Variants in SLC22A11 observed in about 807,000 individuals in gnomAD.
SLC22A11 encodes the protein organic anion transporter 4.
In SLC22A11, 42 loss-of-function variants were observed where a neutral mutation model predicts 49.4. The observed-to-expected ratio is 0.85, with a 90% CI of 0.66 to 1.10. The LOEUF (loss-of-function observed/expected upper bound fraction) is 1.10. Among genes scored for constraint, SLC22A11 ranks in the 50% least tolerant of loss-of-function variants. The probability of loss-of-function intolerance (pLI) is 0.00; values close to 1 mark genes in which losing one functional copy is unlikely to be tolerated. For missense variants in SLC22A11, 685 were observed against 731.6 expected (o/e 0.94, Z 0.74); for synonymous variants, 304 against 315.8 (o/e 0.96, Z 0.40).
At chr11:64,559,662 G>A (rs1481230266) in intron 2 of SLC22A11, among the ~76,000 whole-genome samples, 5 of 139,174 alleles carry the variant, frequency 3.6e-5, no homozygotes, top group Admixed American at 2.1e-4. Flanking sequence ...ACACTAGCCA[G>A]GTGCAAGGGA....
At position 64,568,706 on chromosome 11, in the gene SLC22A11, G is replaced by A. The variant is rs1453948956; in HGVS notation, c.1310G>A (p.Gly437Glu). Residue 437 changes from glycine to glutamate, a missense_variant, in exon 8 of 10, where the codon GGA (glycine) becomes GAA (glutamate). Coordinates refer to ENST00000301891, the MANE Select transcript of SLC22A11 (RefSeq NM_018484.4). ...QTLRVVFAVLGKGCFGISLTC... is the reference protein window; with the variant it reads ...QTLRVVFAVLEKGCFGISLTC... ...CTGCGTGTGGTCTTTGCTGTGCTGG[G>A]AAAGGGATGTTTTGGGATAAGCCTA... 1 of 1,614,178 alleles carries A rather than the reference G, an allele frequency of 6.2e-7. No homozygotes were observed. Among genetic ancestry groups the A allele is most frequent in the African/African-American group, 1.3e-5 (1 of 75,062 alleles).
intron 1 of SLC22A11, among the ~76,000 whole-genome samples, chr11:64,557,032 A>G (rs1315163645): frequency 1.3e-5 from 2 of 152,178 alleles, no homozygotes; most frequent in African/African-American, 4.8e-5. Context: ...CGGTTCCAAC[A>G]TGAGCAGGGA....
At chr11:64,570,874 G>A (rs971037755) in intron 9 of SLC22A11, 105 bp from the exon 10 acceptor site, 3 of 1,051,996 alleles carry the variant, frequency 2.9e-6, no homozygotes, top group Non-Finnish European at 4.4e-6. Context: ...AAAGCCTAAT[G>A]CCATAGAGTT....
At chr11:64,567,568 G>A (rs959316615) in intron 6 of SLC22A11, 31 bp from the exon 7 acceptor site, 25 of 1,606,672 alleles carry the variant, frequency 1.6e-5, no homozygotes, top group Non-Finnish European at 2.0e-5. Context: ...CCCCGGCAGG[G>A]CAGGGACCTG....
intron 4 of SLC22A11, among the ~76,000 whole-genome samples, chr11:64,563,555 A>G (rs1361149620): frequency 7.0e-6 from 1 of 143,598 alleles, no homozygotes; most frequent in Non-Finnish European, 1.5e-5. Context: ...GTTGGGGAGA[A>G]ATAGACTGGT....
chr11:64,566,490 A>ATT (rs2038628041), intron 6 of SLC22A11: 2 of 150,500 alleles, frequency 1.3e-5, no homozygotes, highest in African/African-American at 4.9e-5. Context: ...TTTTTTTTAA[A>ATT]AAAAAAAAAA....
Position 64,562,121 on chromosome 11 carries a change from T to G in SLC22A11, c.615T>G (p.Phe205Leu). The G allele has an allele frequency of 6.2e-7, 1 of 1,613,854 alleles. No homozygotes were observed. The highest frequency in any genetic ancestry group is 8.5e-7 in the Non-Finnish European group (1 of 1,180,000). The change falls in exon 3 of 10, where the codon TTT (phenylalanine) becomes TTG (leucine). Residue 205 changes from phenylalanine to leucine, a missense_variant. Phe to Leu is a conservative substitution (Grantham distance 22). Coordinates refer to ENST00000301891, the MANE Select transcript of SLC22A11 (RefSeq NM_018484.4). The surrounding 1 kb of genome is among the most constrained non-coding windows in gnomAD (Gnocchi z 4.4). ...IYCGLRFVAA[F>L]GMAGIFLSSL... ...GCGGCCTGCGGTTCGTGGCCGCTTT[T>G]GGGATGGCCGGCATCTTTCTGAGTT...
chr11:64,561,820 G>A lies in SLC22A11; in HGVS notation c.498-184G>A, dbSNP rs140071203. ...TGAAACTGAACTGCACCCTCCCATG[G>A]CAAGGTACCTGCCACTTTTATAACA... On this transcript the variant is annotated intron_variant, in intron 2 of 9. Transcript: ENST00000301891. Among the ~76,000 whole-genome samples, 24 of 151,990 alleles carry A rather than the reference G, an allele frequency of 1.6e-4. No homozygotes were observed. The East Asian group carries it at 4.3e-3, about 27-fold the overall frequency.
In SLC22A11 at chr11:64,562,019, G is replaced by A. The variant is rs750955662; in HGVS notation, c.513G>A (p.Pro171=). 5.6e-6 allele frequency: 9 copies of A among 1,613,076 alleles called. 1 individual carries two copies. Among genetic ancestry groups the A allele is most frequent in the Admixed American group, 5.0e-5 (3 of 59,926 alleles). The change falls in exon 3 of 10, where the codon CCG becomes CCA. Residue 171 remains proline (P), a synonymous_variant. Coordinates refer to ENST00000301891, the MANE Select transcript of SLC22A11 (RefSeq NM_018484.4). The surrounding 1 kb of genome is among the most constrained non-coding windows in gnomAD (Gnocchi z 4.4). ...GLLSYRFGRK[P]MLSWCCLQLA... ...CCTGTGACAGGTTTGGGAGGAAGCC[G>A]ATGCTGAGCTGGTGCTGCCTGCAGT...
chr11:64,556,074 C>T lies in SLC22A11; in HGVS notation c.75C>T (p.Ile25=), dbSNP rs141217844. 1.4e-5 allele frequency: 23 copies of T among 1,613,958 alleles called. No homozygotes were observed. The African/African-American group carries it at 2.7e-4, about 19-fold the overall frequency. Residue 25 remains isoleucine, a synonymous_variant, in exon 1 of 10, where the codon ATC becomes ATT. Transcript: ENST00000301891. The part of the protein sequence containing the change: ...LFQTLQVLTF[I]LPCLMIPSQM... ...AGACCCTGCAGGTGCTCACCTTCAT[C>T]CTCCCCTGCCTCATGATACCTTCCC...
chr11:64,561,596 C>T (rs2038544755), intron 2 of SLC22A11, among the ~76,000 whole-genome samples: 2 of 151,162 alleles, frequency 1.3e-5, no homozygotes, highest in Admixed American at 6.6e-5. Context: ...CCGCAGACAC[C>T]TGGCTAATTT....
chr11:64,556,857 T>G (rs555090408), intron 1 of SLC22A11, among the ~76,000 whole-genome samples: 1 of 152,238 alleles, frequency 6.6e-6, no homozygotes, highest in East Asian at 1.9e-4. Context: ...CTTGCTAAAC[T>G]GATTCAGCAG....
intron 9 of SLC22A11, among the ~76,000 whole-genome samples, chr11:64,570,127 G>A (rs531347089): frequency 9.8e-5 from 15 of 152,360 alleles, no homozygotes; most frequent in African/African-American, 3.4e-4. Flanking sequence ...GAAAGCCCAG[G>A]CTTGGCAGCC....
In SLC22A11 at chr11:64,564,540, C is replaced by T; in HGVS notation, c.942+112C>T. On this transcript the variant is annotated intron_variant, in intron 5 of 9. Transcript: ENST00000301891. The surrounding 1 kb of genome is among the most constrained non-coding windows in gnomAD (Gnocchi z 4.2). The stretch of plus-strand genomic sequence containing the variant: ...TCCAGCACCACCTCCACCAGCACCA[C>T]CACCAGCATCTCCACAGACACCACC... The T allele has an allele frequency of 7.6e-7, 1 of 1,316,980 alleles. No homozygotes were observed. The highest frequency in any genetic ancestry group is 2.3e-5 in the East Asian group (1 of 42,660). The allele number at this position is 1,316,980 out of a possible 1,614,324, so 81.6% of individuals were successfully genotyped here. A position where few individuals can be genotyped will look rare whatever the true frequency, so the allele number is the denominator to read the frequency against.
rs1265187624 is a variant in SLC22A11, at chr11:64,564,592, G to A, written c.942+164G>A. Among the ~76,000 whole-genome samples the A allele has an allele frequency of 6.7e-6, 1 of 149,034 alleles. No homozygotes were observed. Among genetic ancestry groups the A allele is most frequent in the Non-Finnish European group, 1.5e-5 (1 of 67,176 alleles). On this transcript the variant is annotated intron_variant, in intron 5 of 9. Coordinates refer to ENST00000301891, the MANE Select transcript of SLC22A11 (RefSeq NM_018484.4). The surrounding 1 kb of genome is among the most constrained non-coding windows in gnomAD (Gnocchi z 4.2). The stretch of plus-strand genomic sequence containing the variant: ...ACACCTCCATCACCACCTCCACACA[G>A]ACACCACCACCACCACCACCAATCC...
In SLC22A11 at chr11:64,571,345, T is replaced by C. The variant is rs2038701278; in HGVS notation, c.*303T>C. The C allele has an allele frequency of 4.5e-5, 18 of 402,016 alleles. No individual in the cohort carries two copies. In the South Asian group the frequency reaches 5.0e-4, roughly 11 times the overall value. 24.9% of individuals were successfully genotyped at this position (402,016 alleles called of 1,614,324 possible). ...CCCCTCCCTTTCCCTGCCAGGCTCA[T>C]GTCTTTACACCTTCACTCAGCCACG... On this transcript the variant is annotated 3_prime_UTR_variant, in exon 10 of 10. Coordinates refer to ENST00000301891, the MANE Select transcript of SLC22A11 (RefSeq NM_018484.4).
chr11:64,571,185 G>A lies in SLC22A11; in HGVS notation c.*143G>A, dbSNP rs926753931. 2.8e-5 allele frequency: 23 copies of A among 808,832 alleles called. No individual in the cohort carries two copies. Among genetic ancestry groups the A allele is most frequent in the South Asian group, 8.1e-5 (5 of 61,956 alleles). 50.1% of individuals were successfully genotyped at this position (808,832 alleles called of 1,614,324 possible). On this transcript the variant is annotated 3_prime_UTR_variant, in exon 10 of 10. Coordinates refer to ENST00000301891, the MANE Select transcript of SLC22A11 (RefSeq NM_018484.4). ...AGGCAGCCGTGGCCGAGTGGACAGC[G>A]TGGCCGTCTGCTGTGGCTGAAGGCA...
chr11:64,559,262 C>T (rs1408991341), intron 2 of SLC22A11, 24 bp downstream of exon 2: 1 of 1,482,784 alleles, frequency 6.7e-7, no homozygotes, highest in Non-Finnish European at 9.1e-7. Flanking sequence ...CTCCTCCCAG[C>T]CCCCAGCTCC....
At chr11:64,560,278 C>T (rs771134098) in intron 2 of SLC22A11, among the ~76,000 whole-genome samples, 1 of 152,130 alleles carries the variant, frequency 6.6e-6, no homozygotes, top group Non-Finnish European at 1.5e-5. Flanking sequence ...TGCAACCCCT[C>T]GCAGGTGTCC....
Sources: allele counts gnomAD v4.1 joint callset (sites outside exome capture counted in the v4.1 genomes callset), GRCh38; gene constraint gnomAD v4.1.1; non-coding constraint Gnocchi (gnomAD v3.1); transcripts MANE v1.5; gene names NCBI Gene and HGNC (gene_info 2026-07-23, HGNC 2026-07-21).